The following FAM186A variants were observed in gnomAD, a reference collection of about 807,000 sequenced individuals.
FAM186A encodes protein FAM186A.
FAM186A carries 163 observed loss-of-function variants against 216.8 expected under a neutral mutation model. The observed-to-expected ratio is 0.75, with a 90% CI of 0.66 to 0.86. FAM186A has a LOEUF of 0.86. FAM186A is among the 40% of genes least tolerant of loss of function. The pLI, the probability that FAM186A is intolerant of heterozygous loss-of-function variation, is 0.00. For synonymous variants in FAM186A, 805 were observed against 1,025.3 expected, an observed-to-expected ratio of 0.79 and a Z score of 4.10; for missense variants, 2,184 against 2,746.2, an observed-to-expected ratio of 0.80 and a Z score of 4.58.
intron 4 of FAM186A, among the ~76,000 whole-genome samples, chr12:50,346,201 A>AAGAAAGAGAGAG (rs375573446): frequency 1.0e-4 from 8 of 76,700 alleles, no homozygotes; most frequent in Non-Finnish European, 1.6e-4. Flanking sequence ...GAAAGAAAGA[A>AAGAAAGAGAGAG]AGAGAGAGAG....
intron 1 of FAM186A, among the ~76,000 whole-genome samples, chr12:50,379,483 AAC>A (rs139098767): frequency 0.95 from 131,665 of 139,012 alleles, 62,556 homozygotes; most frequent in Non-Finnish European, 0.99. Flanking sequence ...CAAAAACAAA[AAC>A]AAAAAAAAAC....
intron 1 of FAM186A, among the ~76,000 whole-genome samples, chr12:50,386,622 G>A (rs530613486): frequency 1.5e-3 from 223 of 152,212 alleles, no homozygotes; most frequent in African/African-American, 5.2e-3. Context: ...CACTTTGGGA[G>A]GCTGAGGCAG....
chr12:50,384,106 G>C (rs1323002914), intron 1 of FAM186A, among the ~76,000 whole-genome samples: 1 of 151,876 alleles, frequency 6.6e-6, no homozygotes, highest in African/African-American at 2.4e-5. Context: ...CGACAAGTGA[G>C]ACTCTGTCTC....
chr12:50,357,160 T>C lies in FAM186A; in HGVS notation c.584-912A>G, dbSNP rs1476995336. ...TCCTGTCTCTCTTTTCTCTTTTTTC[T>C]GAATCAAAGCTTGCCTTGGTTCTTT... On this transcript the variant is annotated intron_variant, in intron 3 of 7. Transcript: ENST00000327337. Among the ~76,000 whole-genome samples the C allele has an allele frequency of 3.3e-5, 5 of 152,214 alleles. No individual in the cohort carries two copies. The South Asian group carries it at 8.3e-4, about 25-fold the overall frequency.
rs1942883883 is a variant in FAM186A at position 50,351,709 on chromosome 12, A to G, written c.5123T>C (p.Val1708Ala). The part of the protein sequence containing the change: ...TLGSPLTLKQ[V>A]QWSHRPFQKS... The stretch of plus-strand genomic sequence containing the variant: ...CTGAAATGGTCTATGGGACCACTGG[A>G]CTTGCTTAAGGGTGAGGGGCGATCC... Residue 1708 changes from valine (V) to alanine (A), a missense_variant, in exon 4 of 8, where the codon GTC becomes GCC. Val to Ala is a moderately conservative substitution (Grantham distance 64). Transcript: ENST00000327337. 1 of 1,551,576 alleles carries G rather than the reference A, an allele frequency of 6.4e-7. No homozygotes were observed. The highest frequency in any genetic ancestry group is 8.7e-7 in the Non-Finnish European group (1 of 1,146,890).
chr12:50,396,591 A>G lies in FAM186A; in HGVS notation c.-107T>C. The G allele has an allele frequency of 8.8e-7, 1 of 1,142,854 alleles. No homozygotes were observed. The highest frequency in any genetic ancestry group is 1.2e-6 in the Non-Finnish European group (1 of 824,534). The allele number at this position is 1,142,854 out of a possible 1,614,324, so 70.8% of individuals were successfully genotyped here. A position where few individuals can be genotyped will look rare whatever the true frequency, so the allele number is the denominator to read the frequency against. On this transcript the variant is annotated 5_prime_UTR_variant, in exon 1 of 8. Coordinates refer to ENST00000327337, the MANE Select transcript of FAM186A (RefSeq NM_001145475.3). ...GCTAGGAGAGGTCTTTCCTGATCCT[A>G]GAAGTTGTGGCATACTCTGCTACTA...
intron 1 of FAM186A, among the ~76,000 whole-genome samples, chr12:50,394,427 G>A (rs1312806859): frequency 1.3e-5 from 2 of 151,834 alleles, no homozygotes; most frequent in Non-Finnish European, 2.9e-5. Context: ...GGTGGCCGGT[G>A]CCTGTAGTCC....
chr12:50,342,628 C>A (rs1461824356), intron 4 of FAM186A, among the ~76,000 whole-genome samples: 1 of 151,652 alleles, frequency 6.6e-6, no homozygotes, highest in East Asian at 2.0e-4. Flanking sequence ...CTACATGCTA[C>A]CACATCTGTC....
rs1433840024 is a variant in FAM186A, at chr12:50,331,757, A to G, written c.6761T>C (p.Ile2254Thr). The G allele has an allele frequency of 1.3e-5, 20 of 1,549,958 alleles. No homozygotes were observed. The highest frequency in any genetic ancestry group is 1.7e-5 in the Non-Finnish European group (19 of 1,146,536). The change falls in exon 6 of 8, where the codon ATA (isoleucine) becomes ACA (threonine). Residue 2254 changes from isoleucine to threonine, a missense_variant. Around this residue, in one of 7 missense-constraint regions of FAM186A, gnomAD observed 721 missense variants for 816.4 expected, o/e 0.88. Coordinates refer to ENST00000327337, the MANE Select transcript of FAM186A (RefSeq NM_001145475.3). The part of the protein sequence containing the change: ...PIPLIIEEKQ[I>T]PASTTFVQKP... ...TTGAACAAATGTGGTAGAGGCAGGT[A>G]TCTGCTTTTCTTCGATGATTAAGGG... is the stretch of plus-strand genomic sequence containing the variant.
chr12:50,383,520 C>T (rs986398746), intron 1 of FAM186A, among the ~76,000 whole-genome samples: 4 of 151,626 alleles, frequency 2.6e-5, no homozygotes, highest in African/African-American at 7.3e-5. Context: ...CACTAGAACC[C>T]GGGAGGCAGA....
chr12:50,357,462 A>G (rs537197583), intron 3 of FAM186A, among the ~76,000 whole-genome samples: 69 of 147,840 alleles, frequency 4.7e-4, no homozygotes, highest in African/African-American at 1.7e-3. Flanking sequence ...AGATCACACC[A>G]CTGTACTTCA....
At chr12:50,339,459 C>T (rs1210818207) in intron 4 of FAM186A, among the ~76,000 whole-genome samples, 1 of 152,066 alleles carries the variant, frequency 6.6e-6, no homozygotes, top group African/African-American at 2.4e-5. Context: ...CTACTCTCAC[C>T]CTTATATTCT....
intron 4 of FAM186A, among the ~76,000 whole-genome samples, chr12:50,336,148 A>G (rs1942706371): frequency 6.6e-6 from 1 of 151,780 alleles, no homozygotes; most frequent in Non-Finnish European, 1.5e-5. Context: ...AGAGTAATAA[A>G]GAAGGCTTTA....
chr12:50,393,479 T>G (rs1281151037), intron 1 of FAM186A, among the ~76,000 whole-genome samples: 7 of 150,206 alleles, frequency 4.7e-5, no homozygotes, highest in Admixed American at 2.7e-4. Flanking sequence ...GAGGCGGAGG[T>G]TGCAGTGATC....
In FAM186A at chr12:50,351,946, G is replaced by A; in HGVS notation, c.4886C>T (p.Pro1629Leu). The A allele has an allele frequency of 6.5e-7, 1 of 1,533,760 alleles. No homozygotes were observed. Among genetic ancestry groups the A allele is most frequent in the Non-Finnish European group, 8.8e-7 (1 of 1,136,740 alleles). Residue 1629 changes from proline to leucine, a missense_variant, in exon 4 of 8, where the codon CCT (proline) becomes CTT (leucine). Pro to Leu is a moderately conservative substitution (Grantham distance 98, BLOSUM62 -3). Coordinates refer to ENST00000327337, the MANE Select transcript of FAM186A (RefSeq NM_001145475.3). ...GATCCCCTGAGCCTGCGCCTGCTGA[G>A]GGGTGAGAGAGATCCCCAGAGCCTG... ...QAQALGISLT[P>L]QQAQAQGITL...
chr12:50,382,360 G>A (rs1166462332), intron 1 of FAM186A, among the ~76,000 whole-genome samples: 1 of 151,824 alleles, frequency 6.6e-6, no homozygotes, highest in Non-Finnish European at 1.5e-5. Flanking sequence ...TTTTCTAGGG[G>A]GAATAGCATG....
chr12:50,372,759 G>A (rs1406097192), intron 1 of FAM186A, among the ~76,000 whole-genome samples: 3 of 151,144 alleles, frequency 2.0e-5, no homozygotes, highest in African/African-American at 7.3e-5. Context: ...AAAATTAGCT[G>A]GGCATATTGG....
intron 1 of FAM186A, among the ~76,000 whole-genome samples, chr12:50,389,269 G>A (rs1052968841): frequency 6.6e-6 from 1 of 151,866 alleles, no homozygotes; most frequent in Non-Finnish European, 1.5e-5. Flanking sequence ...GGGAGGCCGA[G>A]GTGGGTGGAT....
At chr12:50,346,220 G>GAGAAGGAAAGAAAGGAAGAAAGAAAGAAA (rs1555215373) in intron 4 of FAM186A, among the ~76,000 whole-genome samples, 1 of 46,744 alleles carries the variant, frequency 2.1e-5, no homozygotes, top group African/African-American at 9.3e-5. Flanking sequence ...AGAGAGAGAA[G>GAGAAGGAAAGAAAGGAAGAAAGAAAGAAA]GAAAGAAAGA....
Sources: allele counts gnomAD v4.1 joint callset (sites outside exome capture counted in the v4.1 genomes callset), GRCh38; gene constraint gnomAD v4.1.1; regional missense constraint gnomAD v4.1.1; transcripts MANE v1.5; gene names NCBI Gene and HGNC (gene_info 2026-07-23, HGNC 2026-07-21).